Variants in TACR3 observed in about 807,000 individuals in gnomAD.
TACR3 encodes the protein neuromedin-K receptor.
In TACR3, 34 loss-of-function variants were observed where a neutral mutation model predicts 35.0. The observed-to-expected ratio is 0.97, with a 90% CI of 0.74 to 1.30. TACR3 has a LOEUF of 1.30. TACR3 is among the 50% of genes most tolerant of loss of function. The pLI is 0.00. For missense variants in TACR3, 558 were observed against 591.7 expected, an observed-to-expected ratio of 0.94 and a Z score of 0.59; for synonymous variants, 233 against 221.1, an observed-to-expected ratio of 1.05 and a Z score of -0.48.
At chr4:103,635,028 T>A (rs1160408973) in intron 3 of TACR3, among the ~76,000 whole-genome samples, 1 of 152,022 alleles carries the variant, frequency 6.6e-6, no homozygotes, top group Non-Finnish European at 1.5e-5. Context: ...CTAGTTTCAG[T>A]CTCCATATAG....
At chr4:103,600,002 A>G (rs564507061) in intron 3 of TACR3, among the ~76,000 whole-genome samples, 8 of 152,118 alleles carry the variant, frequency 5.3e-5, no homozygotes, top group Non-Finnish European at 8.8e-5. Flanking sequence ...CTCTTTTTCT[A>G]TTGATTGGAA....
intron 3 of TACR3, among the ~76,000 whole-genome samples, chr4:103,632,478 A>T (rs1330279894): frequency 6.7e-6 from 1 of 149,638 alleles, no homozygotes; most frequent in Non-Finnish European, 1.5e-5. Context: ...TATAAGAGAG[A>T]GTTGAATATT....
chr4:103,623,811 A>G (rs1724834366), intron 3 of TACR3, among the ~76,000 whole-genome samples: 1 of 152,110 alleles, frequency 6.6e-6, no homozygotes, highest in Admixed American at 6.6e-5. Flanking sequence ...TGGTAATGAA[A>G]TTTTCTAGGA....
chr4:103,654,398 T>A (rs1725686509), intron 3 of TACR3, among the ~76,000 whole-genome samples: 1 of 122,760 alleles, frequency 8.1e-6, no homozygotes, highest in Non-Finnish European at 1.6e-5. Flanking sequence ...TCCTTTGTAG[T>A]GACATGGATG....
At chr4:103,594,174 A>C (rs1260910311) in intron 3 of TACR3, among the ~76,000 whole-genome samples, 1 of 121,772 alleles carries the variant, frequency 8.2e-6, no homozygotes, top group Admixed American at 9.9e-5. Flanking sequence ...ATGAGTCCAA[A>C]AATAACCTTT....
At chr4:103,641,610 G>A (rs530584824) in intron 3 of TACR3, among the ~76,000 whole-genome samples, 2 of 152,046 alleles carry the variant, frequency 1.3e-5, no homozygotes, top group African/African-American at 4.8e-5. Flanking sequence ...ATCTGATTCA[G>A]CAATCTCACT....
chr4:103,679,982 T>C (rs1726254885), intron 1 of TACR3, among the ~76,000 whole-genome samples: 1 of 151,914 alleles, frequency 6.6e-6, no homozygotes, highest in Non-Finnish European at 1.5e-5. Flanking sequence ...TGAGAAGCTG[T>C]ATTATTATAT....
chr4:103,630,910 G>T (rs1004145892), intron 3 of TACR3, among the ~76,000 whole-genome samples: 1 of 152,140 alleles, frequency 6.6e-6, no homozygotes, highest in Non-Finnish European at 1.5e-5. Context: ...ATTCACAATA[G>T]CAAAGACTTG....
chr4:103,639,280 T>C (rs779830999), intron 3 of TACR3, among the ~76,000 whole-genome samples: 20 of 152,142 alleles, frequency 1.3e-4, no homozygotes, highest in Non-Finnish European at 1.6e-4. Flanking sequence ...GATGTGTTCA[T>C]GTCCTTTGTA....
intron 3 of TACR3, among the ~76,000 whole-genome samples, chr4:103,635,564 G>A (rs962569476): frequency 2.0e-5 from 3 of 151,912 alleles, no homozygotes; most frequent in Admixed American, 6.6e-5. Flanking sequence ...ATGGTGTGAC[G>A]GAAAACTTTG....
At chr4:103,592,126 C>G (rs1723911466) in intron 3 of TACR3, among the ~76,000 whole-genome samples, 1 of 152,166 alleles carries the variant, frequency 6.6e-6, no homozygotes, top group South Asian at 2.1e-4. Flanking sequence ...CAAGTCAGTA[C>G]TCTTCTATAG....
At chr4:103,662,000 T>C (rs1197484033) in intron 1 of TACR3, among the ~76,000 whole-genome samples, 1 of 152,132 alleles carries the variant, frequency 6.6e-6, no homozygotes, top group Non-Finnish European at 1.5e-5. Context: ...ATCTCACCAA[T>C]AAATGTAAAT....
Position 103,589,549 on chromosome 4 carries a change from T to G in TACR3, c.*133A>C. 1 of 945,382 alleles carries G rather than the reference T, an allele frequency of 1.1e-6. No individual in the cohort carries two copies. The highest frequency in any genetic ancestry group is 1.6e-6 in the Non-Finnish European group (1 of 617,276). The allele number at this position is 945,382 out of a possible 1,614,324, so 58.6% of individuals were successfully genotyped here. ...CACATTTATACACTACCTTTCTCAA[T>G]TTGACCATAGCTGCCTAAAAATTGC... On this transcript the variant is annotated 3_prime_UTR_variant, in exon 5 of 5. Transcript: ENST00000304883.
intron 3 of TACR3, among the ~76,000 whole-genome samples, chr4:103,620,694 T>C (rs565177189): frequency 2.6e-5 from 4 of 152,172 alleles, no homozygotes; most frequent in African/African-American, 4.8e-5. Context: ...GAGCTAAACA[T>C]TGAGCACACA....
intron 1 of TACR3, among the ~76,000 whole-genome samples, chr4:103,689,279 T>C (rs1260909779): frequency 6.8e-6 from 1 of 147,802 alleles, no homozygotes; most frequent in South Asian, 2.2e-4. Context: ...CGGGATAGCA[T>C]TGGGAGATAT....
At chr4:103,596,459 G>T (rs911828575) in intron 3 of TACR3, among the ~76,000 whole-genome samples, 1 of 151,898 alleles carries the variant, frequency 6.6e-6, no homozygotes, top group East Asian at 1.9e-4. Context: ...GGTGTGAGAC[G>T]ATATCTCATT....
At chr4:103,678,124 A>G (rs1484016957) in intron 1 of TACR3, among the ~76,000 whole-genome samples, 1 of 152,132 alleles carries the variant, frequency 6.6e-6, no homozygotes, top group Admixed American at 6.6e-5. Context: ...GAATAATGGC[A>G]ACTAGTGCTC....
intron 1 of TACR3, among the ~76,000 whole-genome samples, chr4:103,701,347 G>A (rs1303985821): frequency 6.0e-5 from 9 of 149,364 alleles, no homozygotes; most frequent in South Asian, 2.1e-4. Flanking sequence ...TACAAGGGAC[G>A]TGAAGGACCT....
chr4:103,628,132 A>G (rs1724948941), intron 3 of TACR3, among the ~76,000 whole-genome samples: 2 of 152,236 alleles, frequency 1.3e-5, no homozygotes, highest in African/African-American at 4.8e-5. Flanking sequence ...AATCTCTGGG[A>G]CACATTTGAA....
Sources: allele counts gnomAD v4.1 joint callset (sites outside exome capture counted in the v4.1 genomes callset), GRCh38; gene constraint gnomAD v4.1.1; transcripts MANE v1.5; gene names NCBI Gene and HGNC (gene_info 2026-07-23, HGNC 2026-07-21).